The following ATM variants were observed in gnomAD, a reference collection of about 807,000 sequenced individuals.
The protein encoded by ATM is ATM serine/threonine kinase, also known as serine-protein kinase ATM.
A neutral mutation model predicts 387.0 loss-of-function variants in ATM; 308 were observed. That is an observed-to-expected ratio of 0.80 (90% CI 0.73 to 0.87). The LOEUF is 0.87. ATM is among the 40% of genes least tolerant of loss of function. ATM has a pLI of 0.00. For missense variants in ATM, 3,312 were observed against 3,560.9 expected (o/e 0.93, Z 1.78); for synonymous variants, 1,156 against 1,187.3 (o/e 0.97, Z 0.54).
At chr11:108,305,597 A>T (rs2083649442) in intron 37 of ATM, among the ~76,000 whole-genome samples, 1 of 152,178 alleles carries the variant, frequency 6.6e-6, no homozygotes, top group Non-Finnish European at 1.5e-5. Flanking sequence ...AAAAGAAAAA[A>T]AACCCTTTGT....
chr11:108,289,151 G>A (rs2135754954), intron 28 of ATM, 48 bp downstream of exon 28: 1 of 1,549,674 alleles, frequency 6.5e-7, no homozygotes, highest in Non-Finnish European at 8.8e-7. Flanking sequence ...TTCTTTTTTA[G>A]CTAAAAAAAC....
chr11:108,352,449 G>A (rs760432172), intron 59 of ATM, among the ~76,000 whole-genome samples: 8 of 152,080 alleles, frequency 5.3e-5, no homozygotes, highest in East Asian at 1.9e-4. Context: ...AGACAGAGCC[G>A]TAGAAATTAC....
At chr11:108,278,486 A>G (rs2082062382) in intron 22 of ATM, among the ~76,000 whole-genome samples, 1 of 152,122 alleles carries the variant, frequency 6.6e-6, no homozygotes. Context: ...TTAATTTTAC[A>G]CTTGTTAGAT....
intron 33 of ATM, among the ~76,000 whole-genome samples, chr11:108,297,968 G>A (rs4988020): frequency 6.6e-6 from 1 of 152,112 alleles, no homozygotes; most frequent in Non-Finnish European, 1.5e-5. Context: ...ATTGACTGCC[G>A]ATATATTTTA....
At chr11:108,313,958 C>G (rs952663006) in intron 40 of ATM, among the ~76,000 whole-genome samples, 2 of 152,026 alleles carry the variant, frequency 1.3e-5, no homozygotes, top group Admixed American at 6.6e-5. Flanking sequence ...AATTTTACAA[C>G]AAAGATTTCA....
rs1555085052 is a variant in ATM, at chr11:108,271,289, G to A, written c.2960G>A (p.Cys987Tyr). 6.2e-7 allele frequency: 1 copy of A among 1,610,540 alleles called. No individual in the cohort carries two copies. Reference sequence around the variant, plus strand: ...TTGTATCGTCGTGACCAAGATGTTTGTAAAACTATTTTAAACCATGTCCTT... The same window carrying A: ...TTGTATCGTCGTGACCAAGATGTTTATAAAACTATTTTAAACCATGTCCTT... Reference protein sequence around the residue: ...CSLYRRDQDVCKTILNHVLHV... With the variant: ...CSLYRRDQDVYKTILNHVLHV... The change falls in exon 20 of 63, where the codon TGT becomes TAT. Residue 987 changes from cysteine (C) to tyrosine (Y), a missense_variant. Physicochemically the swap from Cys to Tyr is radical, Grantham distance 194. Around this residue, in one of 4 missense-constraint regions of ATM, gnomAD observed 1,791 missense variants for 1,804.5 expected, o/e 0.99. Coordinates refer to ENST00000675843, the MANE Select transcript of ATM (RefSeq NM_000051.4).
At chr11:108,339,763 T>G (rs1247034336) in intron 56 of ATM, among the ~76,000 whole-genome samples, 1 of 152,106 alleles carries the variant, frequency 6.6e-6, no homozygotes. Context: ...GAGCTAGATA[T>G]TGATAGAGAG....
rs912967697 is a variant in ATM, at chr11:108,298,791, C to A, written c.5006-923C>A. Among the ~76,000 whole-genome samples the A allele has an allele frequency of 2.6e-5, 4 of 152,246 alleles. No homozygotes were observed. In the South Asian group the frequency reaches 8.3e-4, roughly 32 times the overall value. ...ACATGATCTTATGTATGGAAAATCCCAGAGAATCCACAAGAAAGCTACTGT... is the reference window on the plus strand; with the variant it reads ...ACATGATCTTATGTATGGAAAATCCAAGAGAATCCACAAGAAAGCTACTGT... On this transcript the variant is annotated intron_variant, in intron 33 of 62. Transcript: ENST00000675843.
intron 17 of ATM, 87 bp from the exon 18 acceptor site, chr11:108,268,323 T>C: frequency 1.6e-6 from 2 of 1,253,086 alleles, no homozygotes; most frequent in South Asian, 2.6e-5. Flanking sequence ...TACTTTTTTT[T>C]GTGAAGAGGA....
chr11:108,237,945 G>C (rs1167764352), intron 5 of ATM, among the ~76,000 whole-genome samples: 1 of 38,472 alleles, frequency 2.6e-5, no homozygotes, highest in African/African-American at 1.2e-4. Context: ...TTGTTTTTTT[G>C]AGACAGAGTC....
intron 16 of ATM, among the ~76,000 whole-genome samples, chr11:108,260,273 G>T (rs754196679): frequency 7.2e-5 from 11 of 152,042 alleles, no homozygotes; most frequent in African/African-American, 2.7e-4. Context: ...GACCTCAAAT[G>T]ATCTGTCCAC....
intron 61 of ATM, among the ~76,000 whole-genome samples, chr11:108,357,272 C>T (rs1400781069): frequency 2.0e-4 from 31 of 152,226 alleles, no homozygotes; most frequent in Non-Finnish European, 1.0e-4. Flanking sequence ...GATTATATCC[C>T]GCAGCTGGCT....
chr11:108,236,031 A>T, intron 5 of ATM, 197 bp downstream of exon 5: 1 of 604,880 alleles, frequency 1.7e-6, no homozygotes, highest in Non-Finnish European at 2.9e-6. Flanking sequence ...CATGAATAAT[A>T]TATCAGGTGC....
At chr11:108,277,675 C>T (rs894823018) in intron 22 of ATM, among the ~76,000 whole-genome samples, 4 of 152,122 alleles carry the variant, frequency 2.6e-5, no homozygotes, top group African/African-American at 7.2e-5. Flanking sequence ...GAGGCTACAC[C>T]CCACCCTGCT....
At chr11:108,272,961 G>A in intron 22 of ATM, 109 bp downstream of exon 22, 5 of 1,356,904 alleles carry the variant, frequency 3.7e-6, no homozygotes, top group East Asian at 4.6e-5. Flanking sequence ...AACACTTGTT[G>A]AGTATATACG....
intron 56 of ATM, chr11:108,340,336 T>G (rs1394252229): frequency 2.0e-5 from 3 of 152,208 alleles, no homozygotes; most frequent in Non-Finnish European, 4.4e-5. Context: ...GTCATATCAT[T>G]TCATCTGTAA....
intron 45 of ATM, 133 bp downstream of exon 45, chr11:108,321,553 T>C: frequency 1.5e-6 from 2 of 1,328,734 alleles, no homozygotes; most frequent in South Asian, 1.2e-5. Flanking sequence ...AAGGCTGAAG[T>C]GGGTGGATCA....
At chr11:108,237,350 AC>A (rs2079329069) in intron 5 of ATM, among the ~76,000 whole-genome samples, 2 of 152,132 alleles carry the variant, frequency 1.3e-5, no homozygotes, top group African/African-American at 4.8e-5. Flanking sequence ...ATTATCACTT[AC>A]AACCATGGCT....
chr11:108,258,451 CACA>C (rs2135415885), intron 15 of ATM, among the ~76,000 whole-genome samples: 1 of 152,246 alleles, frequency 6.6e-6, no homozygotes, highest in Admixed American at 6.5e-5. Context: ...TAGTGAGCAA[CACA>C]ACAATAACTC....
Sources: allele counts gnomAD v4.1 joint callset (sites outside exome capture counted in the v4.1 genomes callset), GRCh38; gene constraint gnomAD v4.1.1; regional missense constraint gnomAD v4.1.1; transcripts MANE v1.5; gene names NCBI Gene and HGNC (gene_info 2026-07-23, HGNC 2026-07-21).